The following EDIL3 variants were observed in gnomAD, a reference collection of about 807,000 sequenced individuals.
EDIL3 encodes the protein EGF-like repeat and discoidin I-like domain-containing protein 3.
EDIL3 carries 37 observed loss-of-function variants against 67.4 expected under a neutral mutation model. The observed-to-expected ratio is 0.55, with a 90% CI of 0.42 to 0.72. EDIL3 has a LOEUF of 0.72. EDIL3 is among the 30% of genes least tolerant of loss of function. The probability of loss-of-function intolerance (pLI) is 0.00; values close to 1 mark genes in which losing one functional copy is unlikely to be tolerated. For synonymous variants in EDIL3, 195 were observed against 196.3 expected, an observed-to-expected ratio of 0.99 and a Z score of 0.05; for missense variants, 527 against 586.3, an observed-to-expected ratio of 0.90 and a Z score of 1.04.
chr5:83,991,205 A>C (rs559989226), intron 9 of EDIL3, among the ~76,000 whole-genome samples: 2 of 152,256 alleles, frequency 1.3e-5, no homozygotes, highest in East Asian at 3.9e-4. Flanking sequence ...TAGAATCCCT[A>C]CATCAACTGG....
chr5:83,979,858 C>A (rs1188579392), intron 9 of EDIL3, among the ~76,000 whole-genome samples: 3 of 152,038 alleles, frequency 2.0e-5, no homozygotes, highest in African/African-American at 7.2e-5. Context: ...AATTCTCTTA[C>A]CATTTATGAT....
chr5:84,100,179 G>C (rs1349320911), intron 6 of EDIL3, among the ~76,000 whole-genome samples: 1 of 152,046 alleles, frequency 6.6e-6, no homozygotes, highest in African/African-American at 2.4e-5. Flanking sequence ...GATTCCTTAA[G>C]GATCTAGAAC....
chr5:84,034,205 A>G (rs980839760), intron 9 of EDIL3, among the ~76,000 whole-genome samples: 1 of 152,230 alleles, frequency 6.6e-6, no homozygotes, highest in Non-Finnish European at 1.5e-5. Context: ...CAGGTGCATA[A>G]TTACACTTGC....
chr5:84,151,220 ATT>A lies in EDIL3; in HGVS notation c.356-13868_356-13867del, dbSNP rs566255140. 4.6e-5 allele frequency among the ~76,000 whole-genome samples: 7 copies of A among 151,872 alleles called. No individual in the cohort carries two copies. The East Asian group carries it at 1.2e-3, about 25-fold the overall frequency. On this transcript the variant is annotated intron_variant, in intron 4 of 10. Transcript: ENST00000296591. ...AAAAAGTGATTTTTATAATCCACAT[ATT>A]TTTTGTCTGTAAACTAAGAACTGCA...
At chr5:84,159,064 G>A (rs1748542391) in intron 4 of EDIL3, among the ~76,000 whole-genome samples, 1 of 151,928 alleles carries the variant, frequency 6.6e-6, no homozygotes, top group Non-Finnish European at 1.5e-5. Flanking sequence ...ATGTTTTAAC[G>A]ATATCCCCAT....
At chr5:84,076,561 C>A (rs974145272) in intron 6 of EDIL3, among the ~76,000 whole-genome samples, 1 of 152,102 alleles carries the variant, frequency 6.6e-6, no homozygotes, top group East Asian at 1.9e-4. Flanking sequence ...ATTTTCTAAG[C>A]GATGACACAT....
At chr5:83,961,344 A>G (rs1744603775) in intron 10 of EDIL3, among the ~76,000 whole-genome samples, 1 of 151,116 alleles carries the variant, frequency 6.6e-6, no homozygotes, top group African/African-American at 2.4e-5. Flanking sequence ...GATATAGAAA[A>G]CCTGAGTAAC....
At chr5:84,381,086 G>T (rs935424931) in intron 1 of EDIL3, among the ~76,000 whole-genome samples, 2 of 151,956 alleles carry the variant, frequency 1.3e-5, no homozygotes, top group Admixed American at 1.3e-4. Context: ...GCAACTTCAA[G>T]ATCAAAGAAG....
At chr5:84,291,029 A>T (rs1745903129) in intron 1 of EDIL3, among the ~76,000 whole-genome samples, 1 of 152,170 alleles carries the variant, frequency 6.6e-6, no homozygotes, top group South Asian at 2.1e-4. Flanking sequence ...TCACATTATA[A>T]TCTCCTTGAT....
In EDIL3 at chr5:84,236,787, T is replaced by G. The variant is rs533990836; in HGVS notation, c.197-6903A>C. On this transcript the variant is annotated intron_variant, in intron 2 of 10. Coordinates refer to ENST00000296591, the MANE Select transcript of EDIL3 (RefSeq NM_005711.5). The stretch of plus-strand genomic sequence containing the variant: ...TAAATTTAATGACTGTTTTTACCCT[T>G]TTTTTTTTTAGCTTTGTAAAATGAG... Among the ~76,000 whole-genome samples, 15 of 147,190 alleles carry G rather than the reference T, an allele frequency of 1.0e-4. No homozygotes were observed. In the South Asian group the frequency reaches 2.1e-3, roughly 21 times the overall value.
intron 9 of EDIL3, among the ~76,000 whole-genome samples, chr5:84,058,800 T>C (rs1746492557): frequency 6.6e-6 from 1 of 152,184 alleles, no homozygotes; most frequent in Non-Finnish European, 1.5e-5. Flanking sequence ...TCATCACTAC[T>C]TATCATGTTA....
intron 1 of EDIL3, among the ~76,000 whole-genome samples, chr5:84,334,135 C>T (rs1451935250): frequency 2.0e-5 from 3 of 150,122 alleles, no homozygotes; most frequent in South Asian, 4.2e-4. Flanking sequence ...GGTGCTATCT[C>T]GGCTCACTGC....
At chr5:84,188,358 T>C (rs893268177) in intron 3 of EDIL3, among the ~76,000 whole-genome samples, 5 of 151,956 alleles carry the variant, frequency 3.3e-5, no homozygotes, top group African/African-American at 1.2e-4. Context: ...AAAAAGTCCT[T>C]CCTTGCCTAT....
At position 84,087,500 on chromosome 5, in the gene EDIL3, T is replaced by C. The variant is rs149501248; in HGVS notation, c.651+19149A>G. On this transcript the variant is annotated intron_variant, in intron 6 of 10. Coordinates refer to ENST00000296591, the MANE Select transcript of EDIL3 (RefSeq NM_005711.5). ...GTAATGTGGTTTATCCTCACTTTATTTATTAATGCATTCAAATATATTTAC... is the reference window on the plus strand; with the variant it reads ...GTAATGTGGTTTATCCTCACTTTATCTATTAATGCATTCAAATATATTTAC... Among the ~76,000 whole-genome samples the C allele has an allele frequency of 3.2e-3, 492 of 152,348 alleles. 4 individuals are homozygous for C. The highest frequency in any genetic ancestry group is 0.011 in the African/African-American group (466 of 41,576).
intron 4 of EDIL3, among the ~76,000 whole-genome samples, chr5:84,145,100 T>C (rs575494412): frequency 6.6e-6 from 1 of 152,268 alleles, no homozygotes; most frequent in Non-Finnish European, 1.5e-5. Context: ...ATTCATTTTC[T>C]ATTCTTCTAC....
At chr5:84,352,152 G>A (rs902643402) in intron 1 of EDIL3, among the ~76,000 whole-genome samples, 3 of 152,100 alleles carry the variant, frequency 2.0e-5, no homozygotes, top group African/African-American at 7.2e-5. Flanking sequence ...ATGTTGGTGA[G>A]GATGCAGAGA....
chr5:84,362,336 G>T (rs1237306192), intron 1 of EDIL3, among the ~76,000 whole-genome samples: 2 of 151,902 alleles, frequency 1.3e-5, no homozygotes, highest in Non-Finnish European at 2.9e-5. Context: ...TGTGAATAAG[G>T]CTTACATTTT....
chr5:84,133,916 C>A, intron 5 of EDIL3, among the ~76,000 whole-genome samples: 1 of 151,926 alleles, frequency 6.6e-6, no homozygotes, highest in South Asian at 2.1e-4. Context: ...TGTATTATTG[C>A]CTTAACTCCC....
intron 1 of EDIL3, among the ~76,000 whole-genome samples, chr5:84,281,855 C>CTTTTTTTT (rs10708663): frequency 9.6e-5 from 7 of 72,576 alleles, no homozygotes; most frequent in Non-Finnish European, 1.2e-4. Flanking sequence ...TTTTATTTCA[C>CTTTTTTTT]TTTTTTTTTT....
Sources: gnomAD v4.1 joint callset for allele counts (sites outside exome capture counted in the v4.1 genomes callset) on GRCh38, gnomAD v4.1.1 for gene constraint, MANE v1.5 for transcripts, NCBI Gene and HGNC (gene_info 2026-07-23, HGNC 2026-07-21) for gene names.